The following DVL3 variants were observed in gnomAD, a reference collection of about 807,000 sequenced individuals.
The protein encoded by DVL3 is dishevelled segment polarity protein 3, also known as segment polarity protein dishevelled homolog DVL-3.
Under a neutral mutation model 67.4 loss-of-function variants are expected in DVL3, and 27 were observed. The ratio of observed to expected loss-of-function variants is 0.40; its 90% CI spans 0.30 to 0.55. The LOEUF (loss-of-function observed/expected upper bound fraction) is 0.55. Among genes scored for constraint, DVL3 ranks in the 20% least tolerant of loss-of-function variants. The pLI, the probability that DVL3 is intolerant of heterozygous loss-of-function variation, is 0.46. For synonymous variants in DVL3, 369 were observed against 396.8 expected, an observed-to-expected ratio of 0.93 and a Z score of 0.83; for missense variants, 819 against 1,021.5, an observed-to-expected ratio of 0.80 and a Z score of 2.70.
At position 184,166,852 on chromosome 3, in the gene DVL3, G is replaced by A. The variant is rs765876984; in HGVS notation, c.1075G>A (p.Ala359Thr). 1 of 1,614,056 alleles carries A rather than the reference G, an allele frequency of 6.2e-7. No homozygotes were observed. Among genetic ancestry groups the A allele is most frequent in the Non-Finnish European group, 8.5e-7 (1 of 1,180,000 alleles). The change falls in exon 11 of 15, where the codon GCG becomes ACG. Residue 359 changes from alanine to threonine, a missense_variant. By Grantham distance (58) the Ala-to-Thr change is moderately conservative. This residue lies in a region of DVL3 where 110 missense variants were observed against 203.4 expected (regional missense o/e 0.54). Transcript: ENST00000313143. This position sits in a 1 kb window ranked among gnomAD's most constrained non-coding sequence, Gnocchi z 6.7. ...RSEPIRPIDP[A>T]AWVSHTAAMT... Reference sequence around the variant, plus strand: ...CGAGCCCATCCGGCCCATTGACCCTGCGGCCTGGGTCTCCCACACTGCAGC... The same window carrying A: ...CGAGCCCATCCGGCCCATTGACCCTACGGCCTGGGTCTCCCACACTGCAGC...
Position 184,170,791 on chromosome 3 carries a change from C to T in DVL3, c.*36C>T. On this transcript the variant is annotated 3_prime_UTR_variant, in exon 15 of 15. Transcript: ENST00000313143. This position sits in a 1 kb window ranked among gnomAD's most constrained non-coding sequence, Gnocchi z 6.5. ...TCCCCCAGCTCCATTCCGCTCCCAC[C>T]CCAGCCGGCTGCGTTCCTCTCTCCA... 2 of 1,609,290 alleles carry T rather than the reference C, an allele frequency of 1.2e-6. No individual in the cohort carries two copies. The highest frequency in any genetic ancestry group is 1.7e-6 in the Non-Finnish European group (2 of 1,178,204).
chr3:184,167,725 A>G lies in DVL3; in HGVS notation c.1330+14A>G. On this transcript the variant is annotated intron_variant, in intron 12 of 14. Coordinates refer to ENST00000313143, the MANE Select transcript of DVL3 (RefSeq NM_004423.4). The surrounding 1 kb of genome is among the most constrained non-coding windows in gnomAD (Gnocchi z 4.6). Reference sequence around the variant, plus strand: ...ATGCTTTCATCGGTGAGAGAGCCCCATGGTGGGATGCAGGGTGGGTGGGGA... The same window carrying G: ...ATGCTTTCATCGGTGAGAGAGCCCCGTGGTGGGATGCAGGGTGGGTGGGGA... 1.0e-6 allele frequency: 1 copy of G among 979,250 alleles called. No individual in the cohort carries two copies. Among genetic ancestry groups the G allele is most frequent in the Non-Finnish European group, 1.5e-6 (1 of 657,620 alleles). 60.7% of individuals were successfully genotyped at this position (979,250 alleles called of 1,614,324 possible).
chr3:184,164,537 A>G lies in DVL3; in HGVS notation c.399A>G (p.Thr133=). Residue 133 remains threonine, a synonymous_variant, in exon 4 of 15, where the codon ACA becomes ACG. Transcript: ENST00000313143. This position sits in a 1 kb window ranked among gnomAD's most constrained non-coding sequence, Gnocchi z 5.3. ...GGSQENLDND[T]ETDSLVSAQR... is the part of the protein sequence containing the mutation. ...GCCAGGAGAACCTGGACAATGACAC[A>G]GAGACGGACTCTTTGGTGTCTGCCC... 1.9e-6 allele frequency: 3 copies of G among 1,585,092 alleles called. No individual in the cohort carries two copies. Among genetic ancestry groups the G allele is most frequent in the Non-Finnish European group, 2.6e-6 (3 of 1,165,850 alleles).
At position 184,155,902 on chromosome 3, in the gene DVL3, C is replaced by T. The variant is rs2109016866; in HGVS notation, c.161+106C>T. 7.3e-7 allele frequency: 1 copy of T among 1,376,494 alleles called. No individual in the cohort carries two copies. Among genetic ancestry groups the T allele is most frequent in the East Asian group, 2.4e-5 (1 of 41,036 alleles). 85.3% of individuals were successfully genotyped at this position (1,376,494 alleles called of 1,614,324 possible). A position where few individuals can be genotyped will look rare whatever the true frequency, so the allele number is the denominator to read the frequency against. ...CTCGCTACACCGGCTCCTAGCCCCG[C>T]TCTGACTTCTAGGGGCGACTCGGCC... is the stretch of plus-strand genomic sequence containing the variant. On this transcript the variant is annotated intron_variant, in intron 1 of 14. Coordinates refer to ENST00000313143, the MANE Select transcript of DVL3 (RefSeq NM_004423.4). This position sits in a 1 kb window ranked among gnomAD's most constrained non-coding sequence, Gnocchi z 5.4.
Position 184,155,618 on chromosome 3 carries a change from G to C in DVL3, c.-18G>C, listed in dbSNP as rs747601940. On this transcript the variant is annotated 5_prime_UTR_variant, in exon 1 of 15. Coordinates refer to ENST00000313143, the MANE Select transcript of DVL3 (RefSeq NM_004423.4). This position sits in a 1 kb window ranked among gnomAD's most constrained non-coding sequence, Gnocchi z 5.4. ...CCGAGCAGGCCGCGCGCGGGCCGCC[G>C]GGCCCGAGGCCAGAGCCATGGGCGA... is the stretch of plus-strand genomic sequence containing the variant. 7.7e-5 allele frequency: 103 copies of C among 1,341,672 alleles called. No individual in the cohort carries two copies. The highest frequency in any genetic ancestry group is 9.2e-5 in the Non-Finnish European group (95 of 1,035,708). The allele number at this position is 1,341,672 out of a possible 1,614,324, so 83.1% of individuals were successfully genotyped here. A position where few individuals can be genotyped will look rare whatever the true frequency, so the allele number is the denominator to read the frequency against.
Position 184,170,399 on chromosome 3 carries a change from G to C in DVL3, c.1795G>C (p.Gly599Arg). ...CCCGAAGGCCGGGGACTCCAAGTCC[G>C]GGGGCAGCGGCAGCGAATCGGACCA... The part of the protein sequence containing the change: ...KDPKAGDSKS[G>R]GSGSESDHTT... Residue 599 changes from glycine to arginine, a missense_variant, in exon 15 of 15, where the codon GGG (glycine) becomes CGG (arginine). Gly to Arg is a moderately radical substitution (Grantham distance 125). Coordinates refer to ENST00000313143, the MANE Select transcript of DVL3 (RefSeq NM_004423.4). The surrounding 1 kb of genome is among the most constrained non-coding windows in gnomAD (Gnocchi z 6.5). 1.2e-6 allele frequency: 2 copies of C among 1,603,124 alleles called. No individual in the cohort carries two copies. Among genetic ancestry groups the C allele is most frequent in the Non-Finnish European group, 1.7e-6 (2 of 1,175,204 alleles).
rs1577053363 is a variant in DVL3, at chr3:184,170,808, C to T, written c.*53C>T. ...GCTCCCACCCCAGCCGGCTGCGTTC[C>T]TCTCTCCATCCGTCCGTCTTTTTTA... On this transcript the variant is annotated 3_prime_UTR_variant, in exon 15 of 15. Coordinates refer to ENST00000313143, the MANE Select transcript of DVL3 (RefSeq NM_004423.4). The surrounding 1 kb of genome is among the most constrained non-coding windows in gnomAD (Gnocchi z 6.5). 4.4e-6 allele frequency: 7 copies of T among 1,603,140 alleles called. No homozygotes were observed. In the South Asian group the frequency reaches 6.7e-5, roughly 15 times the overall value.
Position 184,167,436 on chromosome 3 carries a change from G to T in DVL3, c.1199-144G>T. 1 of 756,598 alleles carries T rather than the reference G, an allele frequency of 1.3e-6. No individual in the cohort carries two copies. Among genetic ancestry groups the T allele is most frequent in the Non-Finnish European group, 2.1e-6 (1 of 476,250 alleles). 46.9% of individuals were successfully genotyped at this position (756,598 alleles called of 1,614,324 possible). ...GATATTAAAATCCCCATTTTTTACAGAAGGGGAAACTGAGTGTCCAAGAAA... is the reference window on the plus strand; with the variant it reads ...GATATTAAAATCCCCATTTTTTACATAAGGGGAAACTGAGTGTCCAAGAAA... On this transcript the variant is annotated intron_variant, in intron 11 of 14. Coordinates refer to ENST00000313143, the MANE Select transcript of DVL3 (RefSeq NM_004423.4). This position sits in a 1 kb window ranked among gnomAD's most constrained non-coding sequence, Gnocchi z 4.6.
rs1006370814 is a variant in DVL3 at position 184,164,441 on chromosome 3, G to A, written c.354-51G>A. 6.2e-7 allele frequency: 1 copy of A among 1,601,348 alleles called. No homozygotes were observed. The highest frequency in any genetic ancestry group is 1.3e-5 in the African/African-American group (1 of 74,340). ...CCGCATCAGTTCAGCCCAGGGCTGG[G>A]GGAGGGAGCCCCCAGCCTGCCCCCT... On this transcript the variant is annotated intron_variant, in intron 3 of 14. Coordinates refer to ENST00000313143, the MANE Select transcript of DVL3 (RefSeq NM_004423.4). This position sits in a 1 kb window ranked among gnomAD's most constrained non-coding sequence, Gnocchi z 5.3.
Position 184,164,891 on chromosome 3 carries a change from A to T in DVL3, c.559A>T (p.Thr187Ser), listed in dbSNP as rs779402594. ...CCTTATGAGCAGTGAGCTGGAGACCACCAGCTTCTTTGACTCAGATGAGGA... is the reference window on the plus strand; with the variant it reads ...CCTTATGAGCAGTGAGCTGGAGACCTCCAGCTTCTTTGACTCAGATGAGGA... The part of the protein sequence containing the change: ...STLMSSELET[T>S]SFFDSDEDDS... The change falls in exon 5 of 15, where the codon ACC (threonine) becomes TCC (serine). Residue 187 changes from threonine (T) to serine (S), a missense_variant. Thr to Ser is a moderately conservative substitution (Grantham distance 58). Coordinates refer to ENST00000313143, the MANE Select transcript of DVL3 (RefSeq NM_004423.4). The surrounding 1 kb of genome is among the most constrained non-coding windows in gnomAD (Gnocchi z 5.3). 6.2e-7 allele frequency: 1 copy of T among 1,614,148 alleles called. No homozygotes were observed. Among genetic ancestry groups the T allele is most frequent in the South Asian group, 1.1e-5 (1 of 91,086 alleles).
At position 184,159,028 on chromosome 3, in the gene DVL3, G is replaced by A. The variant is rs189031216; in HGVS notation, c.161+3232G>A. ...TGACCTCAAGCAATCCACCCACCTC[G>A]GCCTCCCCAAGTGCTGGGATTACAG... On this transcript the variant is annotated intron_variant, in intron 1 of 14. Transcript: ENST00000313143. Among the ~76,000 whole-genome samples, 4 of 149,296 alleles carry A rather than the reference G, an allele frequency of 2.7e-5. 1 individual carries two copies. Among genetic ancestry groups the A allele is most frequent in the Non-Finnish European group, 5.9e-5 (4 of 67,390 alleles).
chr3:184,166,119 T>G lies in DVL3; in HGVS notation c.764-7T>G. ...TCCCCCTTAAGGTCTTAAATTACTC[T>G]CTATAGAAAAATATAACTTCTTGGG... On this transcript the variant is annotated splice_polypyrimidine_tract_variant and splice_region_variant and intron_variant, in intron 7 of 14. Coordinates refer to ENST00000313143, the MANE Select transcript of DVL3 (RefSeq NM_004423.4). This position sits in a 1 kb window ranked among gnomAD's most constrained non-coding sequence, Gnocchi z 6.7. The G allele has an allele frequency of 6.2e-7, 1 of 1,611,738 alleles. No homozygotes were observed. Among genetic ancestry groups the G allele is most frequent in the Non-Finnish European group, 8.5e-7 (1 of 1,179,492 alleles).
Position 184,165,183 on chromosome 3 carries a change from C to A in DVL3, c.670C>A (p.Gln224Lys). ...MRRHKRRRRK[Q>K]KVSRIERSSS... ...AAGACACAAGCGGCGGCGGCGGAAG[C>A]AGAAGGTTTCTCGGATTGAGCGGGT... Residue 224 changes from glutamine (Q) to lysine (K), a missense_variant, in exon 6 of 15, where the codon CAG becomes AAG. Coordinates refer to ENST00000313143, the MANE Select transcript of DVL3 (RefSeq NM_004423.4). The surrounding 1 kb of genome is among the most constrained non-coding windows in gnomAD (Gnocchi z 4.1). 6.2e-7 allele frequency: 1 copy of A among 1,601,078 alleles called. No individual in the cohort carries two copies. The highest frequency in any genetic ancestry group is 8.5e-7 in the Non-Finnish European group (1 of 1,173,628).
chr3:184,165,258 C>G lies in DVL3; in HGVS notation c.693+52C>G. The G allele has an allele frequency of 6.4e-7, 1 of 1,551,194 alleles. No individual in the cohort carries two copies. Among genetic ancestry groups the G allele is most frequent in the Non-Finnish European group, 8.8e-7 (1 of 1,141,350 alleles). ...GGTGGAGGCAGATTGTGAGCCCTTC[C>G]TACGCAGGGCCAAGGCTTGTTCTTC... On this transcript the variant is annotated intron_variant, in intron 6 of 14. Coordinates refer to ENST00000313143, the MANE Select transcript of DVL3 (RefSeq NM_004423.4). This position sits in a 1 kb window ranked among gnomAD's most constrained non-coding sequence, Gnocchi z 4.1.
chr3:184,168,212 G>C lies in DVL3; in HGVS notation c.1498+147G>C, dbSNP rs529631254. The C allele has an allele frequency of 8.3e-4, 781 of 936,644 alleles. 4 individuals carry two copies. In the Middle Eastern group the frequency reaches 0.017, roughly 20 times the overall value. The allele number at this position is 936,644 out of a possible 1,614,324, so 58.0% of individuals were successfully genotyped here. A position where few individuals can be genotyped will look rare whatever the true frequency, so the allele number is the denominator to read the frequency against. The stretch of plus-strand genomic sequence containing the variant: ...AAGGCCTGAGAGTTCTATGGTGGAA[G>C]AAGAGTCCAGTTTAGCCTCTTCACC... On this transcript the variant is annotated intron_variant, in intron 13 of 14. Transcript: ENST00000313143.
In DVL3 at chr3:184,170,556, C is replaced by G. The variant is rs1332710164; in HGVS notation, c.1952C>G (p.Pro651Arg). 6.2e-7 allele frequency: 1 copy of G among 1,612,564 alleles called. No homozygotes were observed. Among genetic ancestry groups the G allele is most frequent in the Admixed American group, 1.7e-5 (1 of 59,922 alleles). The change falls in exon 15 of 15, where the codon CCG (proline) becomes CGG (arginine). Residue 651 changes from proline (P) to arginine (R), a missense_variant. Around this residue, in one of 3 missense-constraint regions of DVL3, gnomAD observed 324 missense variants for 331.3 expected, o/e 0.98. Transcript: ENST00000313143. This position sits in a 1 kb window ranked among gnomAD's most constrained non-coding sequence, Gnocchi z 6.5. ...AGCCTTCGCAGCCACCACACACACC[C>G]GAGCTACGGTCCTCCCGGAGTGCCC... is the stretch of plus-strand genomic sequence containing the variant. ...ASSLRSHHTH[P>R]SYGPPGVPPL...
Position 184,155,701 on chromosome 3 carries a change from C to T in DVL3, c.66C>T (p.Pro22=), listed in dbSNP as rs750751989. 5.0e-6 allele frequency: 8 copies of T among 1,613,078 alleles called. No homozygotes were observed. In the East Asian group the frequency reaches 1.6e-4, roughly 32 times the overall value. The change falls in exon 1 of 15, where the codon CCC becomes CCT. Residue 22 remains proline, a synonymous_variant. Coordinates refer to ENST00000313143, the MANE Select transcript of DVL3 (RefSeq NM_004423.4). The surrounding 1 kb of genome is among the most constrained non-coding windows in gnomAD (Gnocchi z 5.4). The stretch of plus-strand genomic sequence containing the variant: ...AGACGCCGTACCTTGTGAAGCTGCC[C>T]CTGCCCGCCGAGCGCGTCACCTTGG... ...GQETPYLVKL[P]LPAERVTLAD... is the part of the protein sequence containing the mutation.
At chr3:184,156,337 C>T in intron 1 of DVL3, 1 of 456,708 alleles carries the variant, frequency 2.2e-6, no homozygotes. Flanking sequence ...CGAGCGGGGT[C>T]TGCAGATCTG....
At position 184,171,009 on chromosome 3, in the gene DVL3, C is replaced by G; in HGVS notation, c.*254C>G. 1.4e-6 allele frequency: 2 copies of G among 1,446,642 alleles called. No homozygotes were observed. The highest frequency in any genetic ancestry group is 1.8e-6 in the Non-Finnish European group (2 of 1,093,788). 89.6% of individuals were successfully genotyped at this position (1,446,642 alleles called of 1,614,324 possible). A position where few individuals can be genotyped will look rare whatever the true frequency, so the allele number is the denominator to read the frequency against. ...ATCCCTGCGCAGGACTTCCCAGGAC[C>G]CCTTTTGTCTCTGGGACCAGACTTG... is the stretch of plus-strand genomic sequence containing the variant. On this transcript the variant is annotated 3_prime_UTR_variant, in exon 15 of 15. Coordinates refer to ENST00000313143, the MANE Select transcript of DVL3 (RefSeq NM_004423.4).
Sources: allele counts gnomAD v4.1 joint callset (sites outside exome capture counted in the v4.1 genomes callset), GRCh38; gene constraint gnomAD v4.1.1; regional missense constraint gnomAD v4.1.1; non-coding constraint Gnocchi (gnomAD v3.1); transcripts MANE v1.5; gene names NCBI Gene and HGNC (gene_info 2026-07-23, HGNC 2026-07-21).